MECOM: variants seen among roughly 807,000 people sequenced by gnomAD.
MECOM encodes the protein MDS1 and EVI1 complex locus.
A neutral mutation model predicts 116.3 loss-of-function variants in MECOM; 13 were observed. The ratio of observed to expected loss-of-function variants is 0.11; its 90% CI spans 0.07 to 0.18. MECOM has a LOEUF of 0.18. Among genes scored for constraint, MECOM ranks in the 10% least tolerant of loss-of-function variants. The pLI, the probability that MECOM is intolerant of heterozygous loss-of-function variation, is 1.00. For missense variants in MECOM, 1,299 were observed against 1,509.0 expected (o/e 0.86, Z 2.31); for synonymous variants, 528 against 535.2 (o/e 0.99, Z 0.19).
intron 2 of MECOM, among the ~76,000 whole-genome samples, chr3:169,263,086 T>C (rs1757756818): frequency 1.7e-4 from 1 of 5,882 alleles, no homozygotes; most frequent in Non-Finnish European, 4.1e-4. Context: ...GCTATATATA[T>C]ATATATATAT....
chr3:169,120,011 T>C (rs1365244161), intron 7 of MECOM, among the ~76,000 whole-genome samples: 1 of 152,202 alleles, frequency 6.6e-6, no homozygotes, highest in East Asian at 1.9e-4. Flanking sequence ...ATCTCCATGT[T>C]GGCACTGAAA....
chr3:169,404,616 G>C (rs933984163), intron 1 of MECOM, among the ~76,000 whole-genome samples: 1 of 152,166 alleles, frequency 6.6e-6, no homozygotes, highest in Admixed American at 6.5e-5. Flanking sequence ...TGATCCGATG[G>C]GCCAGTTCCT....
At chr3:169,271,940 G>C (rs540809692) in intron 2 of MECOM, among the ~76,000 whole-genome samples, 5 of 152,060 alleles carry the variant, frequency 3.3e-5, no homozygotes, top group Admixed American at 1.3e-4. Flanking sequence ...CTGTGCTTAA[G>C]CTCATACCAA....
chr3:169,428,467 T>G (rs1741084026), intron 1 of MECOM, among the ~76,000 whole-genome samples: 1 of 152,176 alleles, frequency 6.6e-6, no homozygotes, highest in Admixed American at 6.5e-5. Context: ...TAGGCAGCAG[T>G]GCTCACCTGA....
rs772740282 is a variant in MECOM at position 169,168,682 on chromosome 3, C to T, written c.376-24850G>A. Among the ~76,000 whole-genome samples the T allele has an allele frequency of 2.0e-5, 3 of 151,762 alleles. No individual in the cohort carries two copies. In the South Asian group the frequency reaches 6.2e-4, roughly 32 times the overall value. On this transcript the variant is annotated intron_variant, in intron 2 of 16. Coordinates refer to ENST00000651503, the MANE Select transcript of MECOM (RefSeq NM_004991.4). ...TTTGTTAGATTCTTGGTCCTTGAAC[C>T]TTATAGTCAGAGGGGGCTATAAATA...
chr3:169,335,137 G>C (rs757501075), intron 2 of MECOM, among the ~76,000 whole-genome samples: 4 of 152,004 alleles, frequency 2.6e-5, no homozygotes, highest in African/African-American at 7.3e-5. Context: ...TATGAATGTT[G>C]AGCTCTGCTC....
At chr3:169,131,887 TCA>T (rs939432954) in intron 3 of MECOM, 86 of 1,018,776 alleles carry the variant, frequency 8.4e-5, no homozygotes, top group Non-Finnish European at 1.0e-4. Flanking sequence ...CCACACGTAC[TCA>T]CAGAGTTGAA....
At chr3:169,534,080 T>C (rs1011544650) in intron 1 of MECOM, among the ~76,000 whole-genome samples, 2 of 152,188 alleles carry the variant, frequency 1.3e-5, no homozygotes, top group Admixed American at 6.5e-5. Context: ...CCTAGAGTGC[T>C]TCCACTGTTT....
At chr3:169,586,916 C>A (rs1259618912) in intron 1 of MECOM, among the ~76,000 whole-genome samples, 1 of 152,160 alleles carries the variant, frequency 6.6e-6, no homozygotes, top group African/African-American at 2.4e-5. Flanking sequence ...CTGTAGTAAT[C>A]GTAGAAGAAG....
chr3:169,181,343 C>G (rs969121367), intron 2 of MECOM, among the ~76,000 whole-genome samples: 27 of 152,100 alleles, frequency 1.8e-4, no homozygotes, highest in African/African-American at 6.5e-4. Context: ...CTATTTAGTG[C>G]CATTAACCAT....
intron 1 of MECOM, among the ~76,000 whole-genome samples, chr3:169,652,903 A>G (rs1775090181): frequency 6.6e-6 from 1 of 152,112 alleles, no homozygotes; most frequent in Non-Finnish European, 1.5e-5. Flanking sequence ...AATATTCCCA[A>G]ATCCCTAGGA....
intron 2 of MECOM, among the ~76,000 whole-genome samples, chr3:169,319,560 A>T (rs867936177): frequency 2.8e-4 from 10 of 35,794 alleles, no homozygotes; most frequent in African/African-American, 2.6e-3. Context: ...AAAGTATAAT[A>T]AAAAAAAAAT....
At chr3:169,449,552 A>G (rs1362714338) in intron 1 of MECOM, among the ~76,000 whole-genome samples, 1 of 152,186 alleles carries the variant, frequency 6.6e-6, no homozygotes, top group Non-Finnish European at 1.5e-5. Flanking sequence ...AGAAGTAAAG[A>G]GCCACGCCTA....
intron 1 of MECOM, among the ~76,000 whole-genome samples, chr3:169,442,200 A>G (rs1009286942): frequency 1.3e-5 from 2 of 152,202 alleles, no homozygotes; most frequent in Non-Finnish European, 2.9e-5. Flanking sequence ...TGCTGGGATT[A>G]CAGGCATGAG....
chr3:169,246,902 C>G (rs1225151738), intron 2 of MECOM, among the ~76,000 whole-genome samples: 3 of 152,144 alleles, frequency 2.0e-5, no homozygotes, highest in African/African-American at 7.2e-5. Context: ...CAATATCATT[C>G]TATGAAAGAC....
chr3:169,278,684 C>A lies in MECOM; in HGVS notation c.375+102503G>T, dbSNP rs188777038. On this transcript the variant is annotated intron_variant, in intron 2 of 16. Transcript: ENST00000651503. ...AATGTACTAGAATGACAGACAACAA[C>A]ATAAGGAAAAGGTAGAGCTGAATAG... Among the ~76,000 whole-genome samples, 153 of 152,336 alleles carry A rather than the reference C, an allele frequency of 1.0e-3. 1 individual carries two copies. The highest frequency in any genetic ancestry group is 8.8e-4 in the Non-Finnish European group (60 of 68,032).
intron 2 of MECOM, among the ~76,000 whole-genome samples, chr3:169,144,347 T>C (rs1426138639): frequency 2.0e-5 from 3 of 152,156 alleles, no homozygotes; most frequent in African/African-American, 4.8e-5. Context: ...ATTTGTCTTA[T>C]AGGTGCTTCC....
At position 169,384,708 on chromosome 3, in the gene MECOM, A is replaced by G. The variant is rs544613112; in HGVS notation, c.38-3184T>C. 2.0e-5 allele frequency among the ~76,000 whole-genome samples: 3 copies of G among 152,298 alleles called. No individual in the cohort carries two copies. In the East Asian group the frequency reaches 5.8e-4, roughly 29 times the overall value. On this transcript the variant is annotated intron_variant, in intron 1 of 16. Transcript: ENST00000651503. ...AAAAGGCACCAAAATAAATAGAACA[A>G]TATTCCTCCCGTAATTATCTATTAA...
intron 1 of MECOM, among the ~76,000 whole-genome samples, chr3:169,525,068 TA>T (rs1757808937): frequency 6.6e-6 from 1 of 152,084 alleles, no homozygotes; most frequent in South Asian, 2.1e-4. Flanking sequence ...AATCAAATAC[TA>T]AGCTATATTT....
Sources: allele counts gnomAD v4.1 joint callset (sites outside exome capture counted in the v4.1 genomes callset), GRCh38; gene constraint gnomAD v4.1.1; transcripts MANE v1.5; gene names NCBI Gene and HGNC (gene_info 2026-07-23, HGNC 2026-07-21).